Variants in KHDRBS2 observed in about 807,000 individuals in gnomAD.
KHDRBS2 encodes the protein KH RNA binding domain containing, signal transduction associated 2.
In KHDRBS2, 26 loss-of-function variants were observed where a neutral mutation model predicts 44.3. The ratio of observed to expected loss-of-function variants is 0.59; its 90% CI spans 0.43 to 0.81. The LOEUF is 0.81. Among genes scored for constraint, KHDRBS2 ranks in the 40% least tolerant of loss-of-function variants. KHDRBS2 has a pLI of 0.00. For missense variants in KHDRBS2, 476 were observed against 433.1 expected, an observed-to-expected ratio of 1.10 and a Z score of -0.88; for synonymous variants, 194 against 151.1, an observed-to-expected ratio of 1.28 and a Z score of -2.08.
At chr6:61,943,068 G>GGAAA (rs1240932178) in intron 4 of KHDRBS2, among the ~76,000 whole-genome samples, 1 of 131,706 alleles carries the variant, frequency 7.6e-6, no homozygotes, top group Admixed American at 8.2e-5. Context: ...AAGGAAGGAA[G>GGAAA]GAAAGAAAAG....
intron 2 of KHDRBS2, among the ~76,000 whole-genome samples, chr6:62,093,431 C>T (rs1484666661): frequency 6.6e-6 from 1 of 151,766 alleles, no homozygotes; most frequent in African/African-American, 2.4e-5. Context: ...ATGTAATGAT[C>T]AAATCAGGGT....
the KHDRBS2 span, among the ~76,000 whole-genome samples, chr6:61,562,212 A>G: frequency 6.6e-6 from 1 of 152,188 alleles, no homozygotes; most frequent in Admixed American, 6.5e-5. Flanking sequence ...TGAAGATGTG[A>G]TGTTTATCCT....
intron 6 of KHDRBS2, among the ~76,000 whole-genome samples, chr6:61,746,900 C>T (rs1198159197): frequency 3.3e-5 from 5 of 152,020 alleles, no homozygotes; most frequent in African/African-American, 9.7e-5. Context: ...AACTAAAGAG[C>T]TTCTGCACAG....
At chr6:62,248,924 G>A (rs1250465866) in intron 1 of KHDRBS2, among the ~76,000 whole-genome samples, 7 of 152,058 alleles carry the variant, frequency 4.6e-5, no homozygotes, top group African/African-American at 1.7e-4. Flanking sequence ...TTAAGAACCT[G>A]GGATAGAGAG....
the KHDRBS2 span, among the ~76,000 whole-genome samples, chr6:61,552,568 C>T: frequency 4.6e-5 from 7 of 152,050 alleles, no homozygotes; most frequent in Non-Finnish European, 8.8e-5. Flanking sequence ...GGCATCTTGT[C>T]TTTTTCTGAT....
intron 2 of KHDRBS2, among the ~76,000 whole-genome samples, chr6:62,137,912 G>T (rs749572544): frequency 6.6e-6 from 1 of 152,204 alleles, no homozygotes; most frequent in Non-Finnish European, 1.5e-5. Context: ...TATGCAGTGA[G>T]ATTTAGCTGT....
chr6:62,198,561 C>A (rs1401571440), intron 1 of KHDRBS2, among the ~76,000 whole-genome samples: 2 of 152,092 alleles, frequency 1.3e-5, no homozygotes, highest in South Asian at 2.1e-4. Context: ...CTTGAATAGA[C>A]CAATAAAGGC....
intron 6 of KHDRBS2, among the ~76,000 whole-genome samples, chr6:61,736,580 A>G (rs1775395219): frequency 6.6e-6 from 1 of 152,074 alleles, no homozygotes; most frequent in Admixed American, 6.6e-5. Context: ...ACAGGAGGCA[A>G]GGCAGTTTTA....
intron 6 of KHDRBS2, among the ~76,000 whole-genome samples, chr6:61,789,677 T>G (rs564675597): frequency 6.6e-6 from 1 of 151,608 alleles, no homozygotes; most frequent in South Asian, 2.1e-4. Context: ...TTGTCGTAAT[T>G]TATTTACTCC....
At chr6:62,240,241 T>C (rs1348519899) in intron 1 of KHDRBS2, among the ~76,000 whole-genome samples, 1 of 152,158 alleles carries the variant, frequency 6.6e-6, no homozygotes, top group African/African-American at 2.4e-5. Flanking sequence ...GTTCTCTCAG[T>C]AGGCTCCTTT....
the KHDRBS2 span, among the ~76,000 whole-genome samples, chr6:61,621,852 A>G: frequency 6.6e-6 from 1 of 152,338 alleles, no homozygotes; most frequent in African/African-American, 2.4e-5. Context: ...TTGAAGAAGC[A>G]AATAGCCATC....
At chr6:62,105,371 T>A (rs1357192010) in intron 2 of KHDRBS2, among the ~76,000 whole-genome samples, 1 of 152,186 alleles carries the variant, frequency 6.6e-6, no homozygotes, top group Non-Finnish European at 1.5e-5. Context: ...AAAATTTTAG[T>A]TAATAGGAAC....
intron 7 of KHDRBS2, among the ~76,000 whole-genome samples, chr6:61,717,839 A>G (rs1395055848): frequency 1.3e-5 from 2 of 151,914 alleles, no homozygotes; most frequent in Non-Finnish European, 2.9e-5. Context: ...ATAGCTCCCT[A>G]TTTTCTTATA....
At chr6:61,618,301 A>G in the KHDRBS2 span, among the ~76,000 whole-genome samples, 1 of 152,220 alleles carries the variant, frequency 6.6e-6, no homozygotes, top group Non-Finnish European at 1.5e-5. Flanking sequence ...AATTCAGTCT[A>G]CCACTATACA....
chr6:61,703,482 T>C (rs1347912578), intron 7 of KHDRBS2, among the ~76,000 whole-genome samples: 1 of 151,846 alleles, frequency 6.6e-6, no homozygotes. Flanking sequence ...AATTTTGTTC[T>C]CATCAGCATT....
At chr6:62,280,872 C>T (rs1271929916) in intron 1 of KHDRBS2, among the ~76,000 whole-genome samples, 6 of 151,974 alleles carry the variant, frequency 3.9e-5, no homozygotes, top group Admixed American at 1.3e-4. Flanking sequence ...GCAAGTCAAC[C>T]CTGAAGAAAA....
At chr6:62,070,213 G>C (rs7744780) in intron 2 of KHDRBS2, among the ~76,000 whole-genome samples, 1,723 of 151,658 alleles carry the variant, frequency 0.011, 38 homozygotes, top group African/African-American at 0.039. Flanking sequence ...GTAGTATTTT[G>C]ATGAAGACTT....
At chr6:61,666,025 C>A in the KHDRBS2 span, among the ~76,000 whole-genome samples, 2 of 151,226 alleles carry the variant, frequency 1.3e-5, no homozygotes, top group African/African-American at 2.4e-5. Flanking sequence ...GTCATATATA[C>A]AAATCACTTG....
chr6:61,689,767 C>A (rs761463892), intron 8 of KHDRBS2, among the ~76,000 whole-genome samples: 4 of 151,976 alleles, frequency 2.6e-5, no homozygotes, highest in Non-Finnish European at 4.4e-5. Context: ...TCTGGCATCT[C>A]TTGTTACCCA....
Sources: gnomAD v4.1 joint callset for allele counts (sites outside exome capture counted in the v4.1 genomes callset) on GRCh38, gnomAD v4.1.1 for gene constraint, MANE v1.5 for transcripts, NCBI Gene and HGNC (gene_info 2026-07-23, HGNC 2026-07-21) for gene names.